The following RECQL5 variants were observed in gnomAD, a reference collection of about 807,000 sequenced individuals.
RECQL5 encodes the protein RecQ like helicase 5, also known as ATP-dependent DNA helicase Q5.
In RECQL5, 88 loss-of-function variants were observed where a neutral mutation model predicts 103.4. The observed-to-expected ratio is 0.85, with a 90% CI of 0.72 to 1.02. The LOEUF (loss-of-function observed/expected upper bound fraction) is 1.02. Ranked by LOEUF, RECQL5 falls within the 50% of genes least tolerant of loss-of-function variation. The pLI is 0.00. For missense variants in RECQL5, 1,232 were observed against 1,284.3 expected, an observed-to-expected ratio of 0.96 and a Z score of 0.62; for synonymous variants, 552 against 507.9, an observed-to-expected ratio of 1.09 and a Z score of -1.17.
intron 7 of RECQL5, among the ~76,000 whole-genome samples, chr17:75,654,629 AT>A (rs891297689): frequency 6.6e-6 from 1 of 151,508 alleles, no homozygotes; most frequent in Non-Finnish European, 1.5e-5. Flanking sequence ...TTATTTATTT[AT>A]TTTTTTGGAG....
chr17:75,643,131 A>T (rs749696943), intron 8 of RECQL5, among the ~76,000 whole-genome samples: 4 of 152,144 alleles, frequency 2.6e-5, no homozygotes, highest in Non-Finnish European at 5.9e-5. Flanking sequence ...CGGACAGGAA[A>T]CCCTGCATTT....
intron 8 of RECQL5, chr17:75,650,478 C>T (rs1368416689): frequency 2.2e-6 from 3 of 1,388,540 alleles, no homozygotes; most frequent in African/African-American, 1.5e-5. Flanking sequence ...CTACCATGAG[C>T]TTCGTGACTG....
chr17:75,652,127 T>C (rs1441851678), intron 7 of RECQL5, among the ~76,000 whole-genome samples: 4 of 152,120 alleles, frequency 2.6e-5, no homozygotes, highest in African/African-American at 4.8e-5. Flanking sequence ...CTCAGGAGGC[T>C]GAGGCAGGAG....
intron 4 of RECQL5, 138 bp downstream of exon 4, chr17:75,662,341 C>G: frequency 1.0e-6 from 1 of 965,956 alleles, no homozygotes; most frequent in Non-Finnish European, 1.6e-6. Flanking sequence ...ACCAAAGAGA[C>G]AACTCTTTTT....
intron 8 of RECQL5, among the ~76,000 whole-genome samples, chr17:75,633,066 C>T (rs565544115): frequency 2.5e-4 from 38 of 152,358 alleles, no homozygotes; most frequent in African/African-American, 8.9e-4. Flanking sequence ...GAAGCCTGAC[C>T]TGGGCTGGGA....
chr17:75,627,705 G>A lies in RECQL5; in HGVS notation c.2806-13C>T, dbSNP rs2059123019. 6.3e-7 allele frequency: 1 copy of A among 1,596,214 alleles called. No individual in the cohort carries two copies. The highest frequency in any genetic ancestry group is 1.3e-5 in the African/African-American group (1 of 74,672). On this transcript the variant is annotated splice_polypyrimidine_tract_variant and intron_variant, in intron 18 of 19. Coordinates refer to ENST00000317905, the MANE Select transcript of RECQL5 (RefSeq NM_004259.7). The stretch of plus-strand genomic sequence containing the variant: ...CTTTAAACAACTCCTGGAAGGGAGA[G>A]GGAGAAGAGAAGCAGAGAGCAGGAC...
intron 5 of RECQL5, among the ~76,000 whole-genome samples, 156 bp from the exon 6 acceptor site, chr17:75,661,222 T>G (rs1242652794): frequency 3.9e-5 from 6 of 152,190 alleles, no homozygotes. Flanking sequence ...TTAACTTTAC[T>G]GAGCCTCAGC....
chr17:75,644,593 T>A (rs891073258), intron 8 of RECQL5, among the ~76,000 whole-genome samples: 1 of 150,362 alleles, frequency 6.7e-6, no homozygotes, highest in Non-Finnish European at 1.5e-5. Flanking sequence ...TCAAAAAAAA[T>A]AAAATAAAAA....
At chr17:75,631,784 G>T (rs989403982) in intron 8 of RECQL5, 116 bp from the exon 9 acceptor site, 8 of 1,052,334 alleles carry the variant, frequency 7.6e-6, no homozygotes, top group Admixed American at 6.3e-5. Flanking sequence ...ACCATGCCGG[G>T]AGCCCCACAC....
In RECQL5 at chr17:75,640,543, G is replaced by A. The variant is rs820202; in HGVS notation, c.1230-8875C>T. Among the ~76,000 whole-genome samples, 49,401 of 151,886 alleles carry A rather than the reference G, an allele frequency of 0.33. 8,425 individuals carry two copies. The highest frequency in any genetic ancestry group is 0.54 in the East Asian group (2,766 of 5,118). ...TGGGGACTGGGCCCAGCAGTACCCCGGGATCCCAAACGCGGGGATGACGGG... is the reference window on the plus strand; with the variant it reads ...TGGGGACTGGGCCCAGCAGTACCCCAGGATCCCAAACGCGGGGATGACGGG... On this transcript the variant is annotated intron_variant, in intron 8 of 19. Coordinates refer to ENST00000317905, the MANE Select transcript of RECQL5 (RefSeq NM_004259.7). This position sits in a 1 kb window ranked among gnomAD's most constrained non-coding sequence, Gnocchi z 4.6.
Position 75,627,684 on chromosome 17 carries a change from A to C in RECQL5, c.2814T>G (p.Phe938Leu). ...GTGAGAGGTGGCGGGCAAAGCCTTT[A>C]AACAACTCCTGGAAGGGAGAGGGAG... ...KEGKFASKEL[F>L]KGFARHLSHL... is the part of the protein sequence containing the mutation. The change falls in exon 19 of 20, where the codon TTT becomes TTG. Residue 938 changes from phenylalanine (F) to leucine (L), a missense_variant. Phe to Leu is a conservative substitution (Grantham distance 22). Transcript: ENST00000317905. 2 of 1,606,846 alleles carry C rather than the reference A, an allele frequency of 1.2e-6. No individual in the cohort carries two copies. The highest frequency in any genetic ancestry group is 1.7e-6 in the Non-Finnish European group (2 of 1,176,458).
At chr17:75,631,099 A>G (rs751510484) in intron 10 of RECQL5, 51 bp downstream of exon 10, 1 of 1,609,058 alleles carries the variant, frequency 6.2e-7, no homozygotes, top group East Asian at 2.2e-5. Flanking sequence ...GAGAGGTGCG[A>G]GCAGGGGGCC....
At chr17:75,657,135 A>C (rs1241264423) in intron 7 of RECQL5, among the ~76,000 whole-genome samples, 1 of 152,158 alleles carries the variant, frequency 6.6e-6, no homozygotes, top group Non-Finnish European at 1.5e-5. Flanking sequence ...CTGGGAGCCT[A>C]AGGTGGGAGG....
In RECQL5 at chr17:75,626,968, C is replaced by T. The variant is rs879252880; in HGVS notation, c.*454G>A. 1.1e-5 allele frequency: 4 copies of T among 358,286 alleles called. No homozygotes were observed. The highest frequency in any genetic ancestry group is 8.6e-5 in the South Asian group (4 of 46,632). 22.2% of individuals were successfully genotyped at this position (358,286 alleles called of 1,614,324 possible). A position where few individuals can be genotyped will look rare whatever the true frequency, so the allele number is the denominator to read the frequency against. ...CAGGAACAGGGCCTGGCTGCCTCTC[C>T]TCTGCCACAGCTCTGACCTGGGCAA... On this transcript the variant is annotated 3_prime_UTR_variant, in exon 20 of 20. Transcript: ENST00000317905.
Position 75,658,454 on chromosome 17 carries a change from G to A in RECQL5, c.993C>T (p.Val331=), listed in dbSNP as rs116763214. 587 of 1,613,278 alleles carry A rather than the reference G, an allele frequency of 3.6e-4. 1 individual carries two copies. In the East Asian group the frequency reaches 9.4e-3, roughly 26 times the overall value. ...TAGACTTGGCAATATTCCAATGGGC[G>A]ACAAACCTGTAGGATCCAAAGGGAC... The part of the protein sequence containing the change: ...MGVDKANVRF[V]AHWNIAKSMA... The change falls in exon 7 of 20, where the codon GTC becomes GTT. Residue 331 remains valine (V), a synonymous_variant. Coordinates refer to ENST00000317905, the MANE Select transcript of RECQL5 (RefSeq NM_004259.7).
At position 75,629,741 on chromosome 17, in the gene RECQL5, C is replaced by G. The variant is rs754226222; in HGVS notation, c.1914G>C (p.Glu638Asp). 4.3e-6 allele frequency: 7 copies of G among 1,613,378 alleles called. No individual in the cohort carries two copies. In the African/African-American group the frequency reaches 9.3e-5, roughly 22 times the overall value. Residue 638 changes from glutamate to aspartate, a missense_variant, in exon 15 of 20, where the codon GAG (glutamate) becomes GAC (aspartate). Coordinates refer to ENST00000317905, the MANE Select transcript of RECQL5 (RefSeq NM_004259.7). ...SAQAEPPEPN[E>D]YDIPPASHVY... ...CATGGGAGGCTGGTGGAATGTCATA[C>G]TCATTGGGCTCCGGGGGCTCAGCTT...
intron 12 of RECQL5, 42 bp downstream of exon 12, chr17:75,630,737 G>C (rs820194): frequency 6.3e-7 from 1 of 1,599,322 alleles, no homozygotes; most frequent in Non-Finnish European, 8.5e-7. Flanking sequence ...CGCGGCTGGG[G>C]GAGGGCCCCG....
At chr17:75,662,408 C>A in intron 4 of RECQL5, 71 bp downstream of exon 4, 2 of 1,507,146 alleles carry the variant, frequency 1.3e-6, no homozygotes, top group Non-Finnish European at 1.8e-6. Flanking sequence ...AGGTCTTAGA[C>A]TAATCTCCAT....
chr17:75,643,105 AAC>A (rs962372633), intron 8 of RECQL5, among the ~76,000 whole-genome samples: 25 of 152,216 alleles, frequency 1.6e-4, no homozygotes, highest in African/African-American at 5.5e-4. Context: ...CCGGAAGAAA[AAC>A]ACAGGGTAGT....
Sources: allele counts gnomAD v4.1 joint callset (sites outside exome capture counted in the v4.1 genomes callset), GRCh38; gene constraint gnomAD v4.1.1; non-coding constraint Gnocchi (gnomAD v3.1); transcripts MANE v1.5; gene names NCBI Gene and HGNC (gene_info 2026-07-23, HGNC 2026-07-21).